Variants in LAMC3 observed in about 807,000 individuals in gnomAD.
The protein encoded by LAMC3 is laminin subunit gamma-3.
A neutral mutation model predicts 173.8 loss-of-function variants in LAMC3; 128 were observed. The ratio of observed to expected loss-of-function variants is 0.74; its 90% CI spans 0.64 to 0.85. The LOEUF is 0.85. LAMC3 is among the 40% of genes least tolerant of loss of function. The probability of loss-of-function intolerance (pLI) is 0.00; values close to 1 mark genes in which losing one functional copy is unlikely to be tolerated. For synonymous variants in LAMC3, 897 were observed against 909.1 expected, an observed-to-expected ratio of 0.99 and a Z score of 0.24; for missense variants, 2,022 against 2,156.0, an observed-to-expected ratio of 0.94 and a Z score of 1.23.
Position 131,039,131 on chromosome 9 carries a change from G to C in LAMC3, c.1166G>C (p.Gly389Ala), listed in dbSNP as rs778486862. The C allele has an allele frequency of 3.1e-6, 5 of 1,611,106 alleles. No individual in the cohort carries two copies. The highest frequency in any genetic ancestry group is 4.2e-6 in the Non-Finnish European group (5 of 1,179,932). The change falls in exon 6 of 28, where the codon GGC becomes GCC. Residue 389 changes from glycine (G) to alanine (A), a missense_variant and splice_region_variant. Coordinates refer to ENST00000361069, the MANE Select transcript of LAMC3 (RefSeq NM_006059.4). The stretch of plus-strand genomic sequence containing the variant: ...TTGCCCTGTGCCCTTCCTCTCCCAG[G>C]CTCCCTACACCTCCAGTGCGATGAC... ...PCQPCDCQSA[G>A]SLHLQCDDTG...
intron 13 of LAMC3, among the ~76,000 whole-genome samples, chr9:131,065,055 A>AAAG (rs1829905231): frequency 1.4e-5 from 2 of 141,892 alleles, no homozygotes; most frequent in African/African-American, 5.1e-5. Flanking sequence ...AAAAAAAAAA[A>AAAG]AAAAGAAAAG....
chr9:131,042,281 C>T (rs111333724), intron 7 of LAMC3, among the ~76,000 whole-genome samples: 3 of 151,810 alleles, frequency 2.0e-5, no homozygotes, highest in Admixed American at 6.6e-5. Flanking sequence ...ACACCCACGG[C>T]AGACCTATCA....
intron 2 of LAMC3, among the ~76,000 whole-genome samples, chr9:131,028,467 G>A (rs1047782842): frequency 6.6e-6 from 1 of 152,160 alleles, no homozygotes; most frequent in Non-Finnish European, 1.5e-5. Flanking sequence ...TTTCCAGAGG[G>A]GACACTGACA....
At chr9:131,040,015 CTTT>C (rs35416772) in intron 6 of LAMC3, among the ~76,000 whole-genome samples, 2 of 127,282 alleles carry the variant, frequency 1.6e-5, no homozygotes, top group Non-Finnish European at 3.2e-5. Context: ...AATTTAGAAG[CTTT>C]TTTTTTTTTT....
At chr9:131,084,175 G>T (rs1038464940) in intron 24 of LAMC3, among the ~76,000 whole-genome samples, 21 of 151,644 alleles carry the variant, frequency 1.4e-4, no homozygotes, top group Non-Finnish European at 2.8e-4. Flanking sequence ...AAGTCACCGT[G>T]CCTGGCCTGT....
rs760608783 is a variant in LAMC3 at position 131,009,420 on chromosome 9, G to T, written c.206G>T (p.Gly69Val). The T allele has an allele frequency of 4.5e-6, 7 of 1,541,838 alleles. No homozygotes were observed. The South Asian group carries it at 8.3e-5, about 18-fold the overall frequency. Residue 69 changes from glycine (G) to valine (V), a missense_variant, in exon 1 of 28, where the codon GGC becomes GTC. By Grantham distance (109) the Gly-to-Val change is moderately radical. Coordinates refer to ENST00000361069, the MANE Select transcript of LAMC3 (RefSeq NM_006059.4). This position sits in a 1 kb window ranked among gnomAD's most constrained non-coding sequence, Gnocchi z 4.3. ...EDFCPHVGAA[G>V]AGAHCQRCDA... ...TTCTGTCCCCACGTGGGCGCCGCGGGCGCGGGGGCTCATTGCCAGCGCTGC... is the reference window on the plus strand; with the variant it reads ...TTCTGTCCCCACGTGGGCGCCGCGGTCGCGGGGGCTCATTGCCAGCGCTGC...
chr9:131,065,061 A>G (rs908263255), intron 13 of LAMC3, among the ~76,000 whole-genome samples: 2 of 119,986 alleles, frequency 1.7e-5, no homozygotes, highest in Non-Finnish European at 1.9e-5. Context: ...AAAAAAAAAG[A>G]AAAGGAAAGA....
chr9:131,071,656 GAGGCA>G, intron 18 of LAMC3, 31 bp downstream of exon 18: 1 of 1,515,506 alleles, frequency 6.6e-7, no homozygotes, highest in Non-Finnish European at 8.8e-7. Flanking sequence ...GGGAGGGTGG[GAGGCA>G]AGGGGAGGCC....
chr9:131,020,224 G>A (rs1041426647), intron 1 of LAMC3, among the ~76,000 whole-genome samples: 1 of 152,162 alleles, frequency 6.6e-6, no homozygotes. Flanking sequence ...GCTGCTCCCA[G>A]CCTACAGGGG....
chr9:131,087,694 G>A (rs753580583), intron 26 of LAMC3, 24 bp from the exon 27 acceptor site: 102 of 1,613,784 alleles, frequency 6.3e-5, no homozygotes, highest in Non-Finnish European at 7.0e-5. Flanking sequence ...CATTCAAGCT[G>A]TTTCTTCCTC....
At chr9:131,055,234 G>A (rs1834377345) in intron 11 of LAMC3, among the ~76,000 whole-genome samples, 1 of 152,098 alleles carries the variant, frequency 6.6e-6, no homozygotes, top group Admixed American at 6.6e-5. Context: ...AGGCTGCTCT[G>A]ATGAGGAGTG....
At chr9:131,027,782 G>A (rs573698024) in intron 2 of LAMC3, among the ~76,000 whole-genome samples, 17 of 152,318 alleles carry the variant, frequency 1.1e-4, no homozygotes, top group Non-Finnish European at 2.2e-4. Context: ...CGGGAGATAC[G>A]CGCGCATGAC....
chr9:131,017,562 T>TAA (rs544142318), intron 1 of LAMC3, among the ~76,000 whole-genome samples: 33 of 141,122 alleles, frequency 2.3e-4, no homozygotes, highest in South Asian at 4.6e-4. Context: ...CTTTCTCTAT[T>TAA]AAAAAAAAAA....
At position 131,052,928 on chromosome 9, in the gene LAMC3, C is replaced by A. The variant is rs756406398; in HGVS notation, c.1902C>A (p.Ser634Arg). Reference protein sequence around the residue: ...HFQRLLANLTSLRLRVSPGPS... With the variant: ...HFQRLLANLTRLRLRVSPGPS... ...AGCGGCTCCTCGCCAACCTGACCAG[C>A]CTCCGCCTCCGCGTCAGTCCCGGCC... Residue 634 changes from serine (S) to arginine (R), a missense_variant, in exon 11 of 28, where the codon AGC becomes AGA. By Grantham distance (110) the Ser-to-Arg change is moderately radical (BLOSUM62 -1). Transcript: ENST00000361069. 1 of 1,613,686 alleles carries A rather than the reference C, an allele frequency of 6.2e-7. No individual in the cohort carries two copies. The highest frequency in any genetic ancestry group is 8.5e-7 in the Non-Finnish European group (1 of 1,179,940).
At chr9:131,062,085 G>A (rs1371119372) in intron 13 of LAMC3, among the ~76,000 whole-genome samples, 3 of 151,846 alleles carry the variant, frequency 2.0e-5, no homozygotes, top group Admixed American at 1.3e-4. Context: ...AGTACAGGCC[G>A]GGCATGGTGA....
intron 27 of LAMC3, among the ~76,000 whole-genome samples, chr9:131,089,444 C>T (rs887050005): frequency 5.3e-5 from 8 of 151,984 alleles, no homozygotes; most frequent in Admixed American, 3.9e-4. Flanking sequence ...GTGGTGCAGT[C>T]GTGGCTCACT....
intron 2 of LAMC3, among the ~76,000 whole-genome samples, chr9:131,027,506 G>A (rs549755849): frequency 2.0e-5 from 3 of 152,276 alleles, no homozygotes; most frequent in Admixed American, 6.5e-5. Flanking sequence ...CTGTGATGAC[G>A]GAAAGCGCCT....
At position 131,071,594 on chromosome 9, in the gene LAMC3, G is replaced by A. The variant is rs1369464478; in HGVS notation, c.3180G>A (p.Gly1060=). The change falls in exon 18 of 28, where the codon GGG becomes GGA. Residue 1060 remains glycine (G), a synonymous_variant. Transcript: ENST00000361069. The part of the protein sequence containing the change: ...LDILLGEAPR[G]DVYQGHHLLP... ...TTCTGCTGGGAGAGGCCCCAAGGGGGGACGTCTACCAGGGCCATCACCTGC... is the reference window on the plus strand; with the variant it reads ...TTCTGCTGGGAGAGGCCCCAAGGGGAGACGTCTACCAGGGCCATCACCTGC... 5 of 1,602,910 alleles carry A rather than the reference G, an allele frequency of 3.1e-6. No individual in the cohort carries two copies. The highest frequency in any genetic ancestry group is 4.3e-6 in the Non-Finnish European group (5 of 1,172,774).
At chr9:131,064,313 A>G (rs1179272608) in intron 13 of LAMC3, among the ~76,000 whole-genome samples, 2 of 152,248 alleles carry the variant, frequency 1.3e-5, no homozygotes, top group African/African-American at 2.4e-5. Context: ...TAAAATTAGT[A>G]CATACTCTTG....
Sources: allele counts gnomAD v4.1 joint callset (sites outside exome capture counted in the v4.1 genomes callset), GRCh38; gene constraint gnomAD v4.1.1; non-coding constraint Gnocchi (gnomAD v3.1); transcripts MANE v1.5; gene names NCBI Gene and HGNC (gene_info 2026-07-23, HGNC 2026-07-21).